Variants in RBFOX1 observed in about 807,000 individuals in gnomAD.
RBFOX1 encodes RNA binding protein fox-1 homolog 1.
Under a neutral mutation model 57.7 loss-of-function variants are expected in RBFOX1, and 8 were observed. The ratio of observed to expected loss-of-function variants is 0.14; its 90% CI spans 0.08 to 0.25. The LOEUF is 0.25. RBFOX1 is among the 10% of genes least tolerant of loss of function. RBFOX1 has a pLI of 1.00. For missense variants in RBFOX1, 611 were observed against 548.5 expected (o/e 1.11, Z -1.14); for synonymous variants, 326 against 222.4 (o/e 1.47, Z -4.15).
chr16:7,593,978 TTTG>T, intron 7 of RBFOX1, among the ~76,000 whole-genome samples: 1 of 152,274 alleles, frequency 6.6e-6, no homozygotes, highest in East Asian at 1.9e-4. Context: ...CAATACTTTT[TTTG>T]TTGTTTTATT....
intron 3 of RBFOX1, among the ~76,000 whole-genome samples, chr16:6,981,121 A>G (rs1288005703): frequency 6.9e-6 from 1 of 144,692 alleles, no homozygotes; most frequent in African/African-American, 2.6e-5. Flanking sequence ...CTCTTTTTTT[A>G]TTTTTTTAAT....
chr16:7,388,028 C>A (rs1207024523), intron 4 of RBFOX1, among the ~76,000 whole-genome samples: 4 of 150,928 alleles, frequency 2.7e-5, no homozygotes, highest in Non-Finnish European at 5.9e-5. Context: ...AACAAAATAT[C>A]CTTTTTTTTG....
At position 5,274,207 on chromosome 16, in the gene RBFOX1, G is replaced by T. The variant is rs190504996; in HGVS notation, c.219+34102G>T. Among the ~76,000 whole-genome samples the T allele has an allele frequency of 1.2e-3, 183 of 152,242 alleles. 1 individual carries two copies. Among genetic ancestry groups the T allele is most frequent in the African/African-American group, 3.9e-3 (161 of 41,550 alleles). On this transcript the variant is annotated intron_variant, in intron 1 of 2. Transcript: ENST00000585867. ...CCTTTTTAACCCACAGAAGAAGAAG[G>T]TTCCAGCATCACTTCCGGCCTCTCA...
At chr16:6,296,374 C>T (rs1478996058) in intron 1 of RBFOX1, among the ~76,000 whole-genome samples, 2 of 151,798 alleles carry the variant, frequency 1.3e-5, no homozygotes, top group African/African-American at 2.4e-5. Context: ...GGTATAAAGG[C>T]AGTTTCACCT....
chr16:7,049,146 T>C lies in RBFOX1; in HGVS notation c.-15-2911T>C, dbSNP rs182462540. On this transcript the variant is annotated intron_variant, in intron 3 of 15. Transcript: ENST00000550418. ...TTTCTCTCCGGGATCCTCAAAGTAA[T>C]ATTTGTTTTCTAGGGTTCCCTGTTT... Among the ~76,000 whole-genome samples, 388 of 152,334 alleles carry C rather than the reference T, an allele frequency of 2.5e-3. 1 individual carries two copies. Among genetic ancestry groups the C allele is most frequent in the African/African-American group, 8.1e-3 (338 of 41,576 alleles).
intron 2 of RBFOX1, among the ~76,000 whole-genome samples, chr16:5,512,741 CGTCA>C (rs1338651194): frequency 6.6e-6 from 1 of 152,190 alleles, no homozygotes; most frequent in Admixed American, 6.5e-5. Context: ...GTGACACGTT[CGTCA>C]TAACTAACAG....
At chr16:5,630,119 C>T (rs1426370875) in intron 3 of RBFOX1, among the ~76,000 whole-genome samples, 3 of 152,136 alleles carry the variant, frequency 2.0e-5, no homozygotes, top group Admixed American at 2.0e-4. Flanking sequence ...CTCAGAGGCA[C>T]AGAGGTATGG....
chr16:5,554,929 C>G (rs996156507), intron 2 of RBFOX1, among the ~76,000 whole-genome samples: 1 of 152,200 alleles, frequency 6.6e-6, no homozygotes, highest in Non-Finnish European at 1.5e-5. Context: ...CTTTCTGATT[C>G]AAGGGCAGGA....
intron 1 of RBFOX1, among the ~76,000 whole-genome samples, chr16:6,231,158 T>G (rs2097456186): frequency 6.6e-6 from 1 of 151,802 alleles, no homozygotes; most frequent in Non-Finnish European, 1.5e-5. Context: ...AAGGGTACAG[T>G]CAAGGAAAAG....
chr16:7,148,872 A>T (rs914511215), intron 4 of RBFOX1, among the ~76,000 whole-genome samples: 3 of 152,048 alleles, frequency 2.0e-5, no homozygotes, highest in African/African-American at 7.2e-5. Context: ...CACCTTTTTC[A>T]TTCTTCCTTA....
At chr16:7,491,178 C>G (rs1352940766) in intron 4 of RBFOX1, among the ~76,000 whole-genome samples, 2 of 152,128 alleles carry the variant, frequency 1.3e-5, no homozygotes, top group Non-Finnish European at 2.9e-5. Context: ...GCCAATTCTT[C>G]AACCACCCAC....
intron 3 of RBFOX1, among the ~76,000 whole-genome samples, chr16:6,739,268 A>G (rs1011496475): frequency 6.6e-6 from 1 of 152,070 alleles, no homozygotes; most frequent in African/African-American, 2.4e-5. Flanking sequence ...ATAATTACCC[A>G]TATCAGGAGA....
At chr16:5,276,835 C>A (rs1343558765) in intron 1 of RBFOX1, among the ~76,000 whole-genome samples, 11 of 152,114 alleles carry the variant, frequency 7.2e-5, no homozygotes, top group Admixed American at 3.3e-4. Context: ...CGCTTTTACA[C>A]TGATGGTGGG....
At chr16:7,267,536 G>T (rs1056623655) in intron 4 of RBFOX1, among the ~76,000 whole-genome samples, 4 of 148,072 alleles carry the variant, frequency 2.7e-5, no homozygotes, top group African/African-American at 1.0e-4. Flanking sequence ...ACTCTATCTC[G>T]ACAAAAAATT....
intron 2 of RBFOX1, among the ~76,000 whole-genome samples, chr16:6,391,596 G>C (rs982456616): frequency 2.6e-5 from 4 of 152,118 alleles, no homozygotes; most frequent in African/African-American, 9.7e-5. Flanking sequence ...ATGGGTTGCA[G>C]GAAGGCAATG....
intron 4 of RBFOX1, among the ~76,000 whole-genome samples, chr16:7,482,449 C>T (rs1048172051): frequency 5.4e-5 from 8 of 148,348 alleles, no homozygotes; most frequent in African/African-American, 1.8e-4. Context: ...CCTCTTCAGC[C>T]CCTCCTTCCA....
intron 4 of RBFOX1, among the ~76,000 whole-genome samples, chr16:7,369,927 A>G (rs2097536729): frequency 2.0e-5 from 3 of 152,350 alleles, no homozygotes; most frequent in South Asian, 2.1e-4. Context: ...AAGCTTGGAA[A>G]TGTTAACGGG....
chr16:7,263,253 A>G (rs951202112), intron 4 of RBFOX1, among the ~76,000 whole-genome samples: 1 of 152,194 alleles, frequency 6.6e-6, no homozygotes, highest in African/African-American at 2.4e-5. Flanking sequence ...CTAGGCACAC[A>G]TCCTTAGTAC....
At chr16:6,212,434 T>G (rs1344576644) in intron 1 of RBFOX1, among the ~76,000 whole-genome samples, 1 of 152,066 alleles carries the variant, frequency 6.6e-6, no homozygotes, top group Non-Finnish European at 1.5e-5. Context: ...GGCTGGGTGT[T>G]TTGGCTCACC....
Sources: gnomAD v4.1 joint callset for allele counts (sites outside exome capture counted in the v4.1 genomes callset) on GRCh38, gnomAD v4.1.1 for gene constraint, MANE v1.5 for transcripts, NCBI Gene and HGNC (gene_info 2026-07-23, HGNC 2026-07-21) for gene names.